Variants in TMEM117 observed in about 807,000 individuals in gnomAD.
The protein encoded by TMEM117 is transmembrane protein 117.
In TMEM117, 27 loss-of-function variants were observed where a neutral mutation model predicts 52.4. That is an observed-to-expected ratio of 0.51 (90% CI 0.38 to 0.71). TMEM117 has a LOEUF of 0.71. Among genes scored for constraint, TMEM117 ranks in the 30% least tolerant of loss-of-function variants. TMEM117 has a pLI of 0.00. For synonymous variants in TMEM117, 215 were observed against 206.3 expected, an observed-to-expected ratio of 1.04 and a Z score of -0.36; for missense variants, 556 against 630.5, an observed-to-expected ratio of 0.88 and a Z score of 1.26.
intron 2 of TMEM117, among the ~76,000 whole-genome samples, chr12:43,846,821 T>C (rs1315173651): frequency 6.6e-6 from 1 of 152,174 alleles, no homozygotes; most frequent in African/African-American, 2.4e-5. Context: ...GGCAATGTTT[T>C]AAGGAATAAA....
chr12:44,144,330 C>T (rs1039198039), intron 4 of TMEM117, among the ~76,000 whole-genome samples: 3 of 152,156 alleles, frequency 2.0e-5, no homozygotes, highest in Admixed American at 1.3e-4. Context: ...TTATGAGAGA[C>T]TCACAAAATG....
chr12:43,978,158 C>T (rs1227139148), intron 3 of TMEM117, among the ~76,000 whole-genome samples: 1 of 152,074 alleles, frequency 6.6e-6, no homozygotes, highest in Non-Finnish European at 1.5e-5. Flanking sequence ...GATTGGGTGG[C>T]TTGGTCAAGC....
chr12:44,384,148 G>A (rs76485283), intron 7 of TMEM117, among the ~76,000 whole-genome samples: 8,590 of 152,128 alleles, frequency 0.056, 254 homozygotes, highest in African/African-American at 0.076. Context: ...CCAAGGTAAC[G>A]ACACAGTGTG....
At chr12:44,105,299 T>A (rs1047492294) in intron 3 of TMEM117, among the ~76,000 whole-genome samples, 8 of 152,162 alleles carry the variant, frequency 5.3e-5, no homozygotes, top group African/African-American at 1.7e-4. Flanking sequence ...GTTACACTGG[T>A]TTTGATCTCT....
chr12:43,890,796 C>T (rs1309889209), intron 2 of TMEM117, among the ~76,000 whole-genome samples: 2 of 152,104 alleles, frequency 1.3e-5, no homozygotes, highest in Non-Finnish European at 2.9e-5. Context: ...TCCCAAAGTG[C>T]TGGGATTACA....
chr12:44,191,934 T>C (rs1444419699), intron 4 of TMEM117, among the ~76,000 whole-genome samples: 6 of 152,144 alleles, frequency 3.9e-5, no homozygotes, highest in Non-Finnish European at 8.8e-5. Flanking sequence ...ATAAAATATA[T>C]AGACATTTTG....
intron 5 of TMEM117, among the ~76,000 whole-genome samples, chr12:44,254,594 T>A (rs1394950138): frequency 6.6e-6 from 1 of 151,982 alleles, no homozygotes; most frequent in Non-Finnish European, 1.5e-5. Flanking sequence ...AAAATAGTCA[T>A]ACCCTTGATT....
chr12:44,145,611 C>T (rs1948632042), intron 4 of TMEM117, among the ~76,000 whole-genome samples: 2 of 152,112 alleles, frequency 1.3e-5, no homozygotes, highest in South Asian at 4.1e-4. Context: ...TGGCTCAGTC[C>T]TTTGAGGGGA....
At chr12:43,910,699 C>T (rs1209331329) in intron 2 of TMEM117, among the ~76,000 whole-genome samples, 35 of 129,262 alleles carry the variant, frequency 2.7e-4, no homozygotes, top group African/African-American at 9.6e-4. Context: ...TATACACCAA[C>T]AACAGACAAA....
chr12:44,180,481 C>T (rs914985964), intron 4 of TMEM117, among the ~76,000 whole-genome samples: 1 of 148,222 alleles, frequency 6.7e-6, no homozygotes, highest in Non-Finnish European at 1.5e-5. Context: ...TTAGGTATAT[C>T]TCCCAATCCT....
chr12:44,365,211 T>C (rs757084537), intron 6 of TMEM117, among the ~76,000 whole-genome samples: 1 of 152,058 alleles, frequency 6.6e-6, no homozygotes, highest in Non-Finnish European at 1.5e-5. Context: ...ACTTGCAGGA[T>C]AAACATAGGA....
At chr12:43,940,575 C>T (rs1307072579) in intron 2 of TMEM117, among the ~76,000 whole-genome samples, 3 of 151,452 alleles carry the variant, frequency 2.0e-5, no homozygotes, top group African/African-American at 7.3e-5. Context: ...GAGTTTTGCT[C>T]TTGTTGTGCA....
At chr12:43,997,000 T>C (rs1181023388) in intron 3 of TMEM117, among the ~76,000 whole-genome samples, 1 of 152,206 alleles carries the variant, frequency 6.6e-6, no homozygotes, top group Non-Finnish European at 1.5e-5. Context: ...GTGATTCCAG[T>C]TGTTCTGGCG....
the TMEM117 span, among the ~76,000 whole-genome samples, chr12:43,823,660 C>T: frequency 1.5e-3 from 229 of 152,132 alleles, no homozygotes; most frequent in African/African-American, 5.2e-3. Flanking sequence ...ACTACAGGCA[C>T]GCGCCACCAC....
the TMEM117 span, among the ~76,000 whole-genome samples, chr12:43,828,875 C>T: frequency 6.6e-6 from 1 of 152,140 alleles, no homozygotes; most frequent in African/African-American, 2.4e-5. Flanking sequence ...ACCCTTTTTG[C>T]TGTCTTTCTC....
intron 6 of TMEM117, among the ~76,000 whole-genome samples, chr12:44,321,897 T>A (rs1305253725): frequency 6.6e-6 from 1 of 152,208 alleles, no homozygotes; most frequent in Non-Finnish European, 1.5e-5. Context: ...GCATTTACTA[T>A]GCTCTCTGTA....
Position 43,981,950 on chromosome 12 carries a change from G to C in TMEM117, c.410+37608G>C, listed in dbSNP as rs1592412885. 2.0e-5 allele frequency among the ~76,000 whole-genome samples: 3 copies of C among 151,984 alleles called. No individual in the cohort carries two copies. The South Asian group carries it at 6.2e-4, about 32-fold the overall frequency. ...GTTGTGGTGTTCTATTGCACAGTAG[G>C]GTCATGATGGTTAACAGTAAGGTAT... is the stretch of plus-strand genomic sequence containing the variant. On this transcript the variant is annotated intron_variant, in intron 3 of 7. Transcript: ENST00000266534.
chr12:44,320,026 C>G (rs935541592), intron 6 of TMEM117, among the ~76,000 whole-genome samples: 3 of 152,186 alleles, frequency 2.0e-5, no homozygotes, highest in Non-Finnish European at 4.4e-5. Context: ...TCCTCAAGCC[C>G]TAAGACTTCT....
chr12:43,926,996 T>C (rs1254474665), intron 2 of TMEM117, among the ~76,000 whole-genome samples: 1 of 152,082 alleles, frequency 6.6e-6, no homozygotes, highest in Non-Finnish European at 1.5e-5. Context: ...ATTTTTCTTC[T>C]TAAGTTGGAT....
Sources: allele counts gnomAD v4.1 joint callset (sites outside exome capture counted in the v4.1 genomes callset), GRCh38; gene constraint gnomAD v4.1.1; transcripts MANE v1.5; gene names NCBI Gene and HGNC (gene_info 2026-07-23, HGNC 2026-07-21).